The following SLC9A7 variants were observed in gnomAD, a reference collection of about 807,000 sequenced individuals.
SLC9A7 encodes the protein sodium/hydrogen exchanger 7.
A neutral mutation model predicts 52.6 loss-of-function variants in SLC9A7; 19 were observed. The observed-to-expected ratio is 0.36, with a 90% CI of 0.25 to 0.53. The LOEUF (loss-of-function observed/expected upper bound fraction) is 0.53, where lower values mean the gene tolerates loss of function less well. SLC9A7 is among the 20% of genes least tolerant of loss of function. SLC9A7 has a pLI of 0.91. For synonymous variants in SLC9A7, 226 were observed against 252.1 expected (o/e 0.90, Z 0.98); for missense variants, 455 against 597.9 (o/e 0.76, Z 2.49).
At chrX:46,746,121 T>C (rs1224739944) in intron 1 of SLC9A7, among the ~76,000 whole-genome samples, 4 of 110,382 alleles carry the variant, frequency 3.6e-5, no homozygotes, top group Non-Finnish European at 3.8e-5. Flanking sequence ...GGTCAGGAGT[T>C]TGAGACCAGC....
chrX:46,740,939 T>C (rs759824408), intron 1 of SLC9A7, among the ~76,000 whole-genome samples: 26 of 107,481 alleles, frequency 2.4e-4, no homozygotes, highest in Non-Finnish European at 4.6e-4. Flanking sequence ...AACAAGTGAG[T>C]TTAGTGAGGT....
intron 13 of SLC9A7, among the ~76,000 whole-genome samples, chrX:46,633,372 A>C (rs894540387): frequency 4.0e-5 from 4 of 99,347 alleles, no homozygotes; most frequent in East Asian, 3.1e-4. Flanking sequence ...AAAAAAAAAA[A>C]AAAAAAAAAC....
chrX:46,736,089 T>C (rs576857754), intron 1 of SLC9A7, among the ~76,000 whole-genome samples: 2 of 111,909 alleles, frequency 1.8e-5, no homozygotes, highest in African/African-American at 6.5e-5. Context: ...TTCTGTCCCA[T>C]TCTCATTCTC....
intron 7 of SLC9A7, among the ~76,000 whole-genome samples, chrX:46,658,660 A>G (rs990699016): frequency 9.0e-6 from 1 of 111,422 alleles, no homozygotes; most frequent in African/African-American, 3.3e-5. Context: ...ACACTCTCCC[A>G]GGACTAAACC....
Position 46,657,290 on chromosome X carries a change from GA to G in SLC9A7, c.1042-3577del, listed in dbSNP as rs1466617322. Among the ~76,000 whole-genome samples, 7 of 108,622 alleles carry G rather than the reference GA, an allele frequency of 6.4e-5. No homozygotes were observed. The South Asian group carries it at 2.0e-3, about 31-fold the overall frequency. The allele number at this position is 108,622 out of a possible 115,157, so 94.3% of individuals were successfully genotyped here. On this transcript the variant is annotated intron_variant, in intron 7 of 16. Coordinates refer to ENST00000616978, the MANE Select transcript of SLC9A7 (RefSeq NM_001257291.2). ...ATCATGCCAAAATGTAAAGACCATC[GA>G]GACTAGGAAGAAACTGCATCAACTA...
intron 1 of SLC9A7, among the ~76,000 whole-genome samples, chrX:46,693,693 T>C (rs1055748624): frequency 1.8e-4 from 20 of 110,391 alleles, no homozygotes; most frequent in African/African-American, 6.6e-4. Flanking sequence ...TGTGAGTTCC[T>C]AGGTTAGGTA....
At chrX:46,654,105 T>C (rs768628787) in intron 7 of SLC9A7, among the ~76,000 whole-genome samples, 8 of 111,579 alleles carry the variant, frequency 7.2e-5, no homozygotes, top group Non-Finnish European at 1.3e-4. Flanking sequence ...AAATTAATCA[T>C]GTAGGCCAGG....
chrX:46,602,088 A>G lies in SLC9A7; in HGVS notation c.*4864T>C, dbSNP rs1162680453. 1.8e-5 allele frequency: 2 copies of G among 110,729 alleles called. No individual in the cohort carries two copies. Among genetic ancestry groups the G allele is most frequent in the Non-Finnish European group, 3.8e-5 (2 of 52,908 alleles). The allele number at this position is 110,729 out of a possible 1,213,427, so 9.1% of individuals were successfully genotyped here. A position where few individuals can be genotyped will look rare whatever the true frequency, so the allele number is the denominator to read the frequency against. The stretch of plus-strand genomic sequence containing the variant: ...ACAAAACAGCTTCCCAGAAACCTTC[A>G]TGCTTGATTAGTTAGCAGCTCAGTT... On this transcript the variant is annotated 3_prime_UTR_variant, in exon 17 of 17. Coordinates refer to ENST00000616978, the MANE Select transcript of SLC9A7 (RefSeq NM_001257291.2).
At chrX:46,723,156 A>G (rs1944885897) in intron 1 of SLC9A7, among the ~76,000 whole-genome samples, 1 of 109,797 alleles carries the variant, frequency 9.1e-6, no homozygotes, top group African/African-American at 3.3e-5. Context: ...CCACATATAT[A>G]ACAGGTGGAC....
At chrX:46,738,090 AG>A (rs752324105) in intron 1 of SLC9A7, among the ~76,000 whole-genome samples, 1 of 69,515 alleles carries the variant, frequency 1.4e-5, no homozygotes. Flanking sequence ...AAAGAAAGAA[AG>A]AAAGAAAGAA....
chrX:46,653,586 G>C, intron 8 of SLC9A7, 23 bp downstream of exon 8: 1 of 1,117,990 alleles, frequency 8.9e-7, no homozygotes, highest in Non-Finnish European at 1.2e-6. Flanking sequence ...GGGAAGGGTG[G>C]TCCAAGAGTA....
Position 46,622,586 on chromosome X carries a change from C to T in SLC9A7, c.1741-1527G>A, listed in dbSNP as rs140354476. 1.7e-3 allele frequency among the ~76,000 whole-genome samples: 188 copies of T among 111,327 alleles called. 3 individuals are homozygous for T. The South Asian group carries it at 0.032, about 19-fold the overall frequency. ...CGAGTACCCCAAAGTCAGTTTCTTC[C>T]GCTTCTTCCCTTAAATCAATGATGA... On this transcript the variant is annotated intron_variant, in intron 14 of 16. Transcript: ENST00000616978.
At chrX:46,735,651 T>C (rs1945110125) in intron 1 of SLC9A7, among the ~76,000 whole-genome samples, 1 of 112,133 alleles carries the variant, frequency 8.9e-6, no homozygotes, top group Non-Finnish European at 1.9e-5. Context: ...TTAACGTTTC[T>C]TGTAGAGTGG....
intron 7 of SLC9A7, among the ~76,000 whole-genome samples, chrX:46,659,091 T>A (rs1421046403): frequency 1.8e-5 from 2 of 111,161 alleles, no homozygotes; most frequent in Non-Finnish European, 3.8e-5. Context: ...ATAAATGTAA[T>A]CTAGCATATA....
At chrX:46,722,804 A>G (rs888530179) in intron 1 of SLC9A7, among the ~76,000 whole-genome samples, 5 of 112,235 alleles carry the variant, frequency 4.5e-5, no homozygotes, top group Non-Finnish European at 7.5e-5. Context: ...GAAAACCTCC[A>G]GAAGATTCTT....
chrX:46,718,220 G>A (rs1178798454), intron 1 of SLC9A7, among the ~76,000 whole-genome samples: 94 of 111,637 alleles, frequency 8.4e-4, no homozygotes, highest in East Asian at 8.1e-3. Flanking sequence ...TTAATAAATG[G>A]TGCTGGGAAA....
At chrX:46,711,905 C>CATACAT (rs1408813042) in intron 1 of SLC9A7, among the ~76,000 whole-genome samples, 2 of 97,293 alleles carry the variant, frequency 2.1e-5, no homozygotes, top group Non-Finnish European at 3.9e-5. Context: ...AAATTACACA[C>CATACAT]ACACACACAC....
intron 14 of SLC9A7, among the ~76,000 whole-genome samples, chrX:46,626,598 G>C (rs1460321769): frequency 8.9e-6 from 1 of 112,707 alleles, no homozygotes; most frequent in Non-Finnish European, 1.9e-5. Context: ...TTTGGGCTCT[G>C]TGTACCCCCA....
intron 15 of SLC9A7, among the ~76,000 whole-genome samples, chrX:46,619,496 A>G (rs961732877): frequency 3.6e-5 from 4 of 112,053 alleles, no homozygotes; most frequent in African/African-American, 1.3e-4. Flanking sequence ...AATACTATGG[A>G]ACAAGGAGAA....
Sources: allele counts gnomAD v4.1 joint callset (sites outside exome capture counted in the v4.1 genomes callset), GRCh38; gene constraint gnomAD v4.1.1; transcripts MANE v1.5; gene names NCBI Gene and HGNC (gene_info 2026-07-23, HGNC 2026-07-21).